STRAP: variants seen among roughly 807,000 people sequenced by gnomAD.
The protein encoded by STRAP is serine-threonine kinase receptor-associated protein.
A neutral mutation model predicts 47.0 loss-of-function variants in STRAP; 16 were observed. That is an observed-to-expected ratio of 0.34 (90% confidence interval 0.23 to 0.52). The LOEUF (loss-of-function observed/expected upper bound fraction) is 0.52. Among genes scored for constraint, STRAP ranks in the 20% least tolerant of loss-of-function variants. The pLI, the probability that STRAP is intolerant of heterozygous loss-of-function variation, is 0.96. For synonymous variants in STRAP, 130 were observed against 142.7 expected, an observed-to-expected ratio of 0.91 and a Z score of 0.63; for missense variants, 293 against 420.0, an observed-to-expected ratio of 0.70 and a Z score of 2.64.
At chr12:15,891,308 G>A (rs1240890230) in intron 4 of STRAP, among the ~76,000 whole-genome samples, 2 of 152,172 alleles carry the variant, frequency 1.3e-5, no homozygotes, top group African/African-American at 4.8e-5. Context: ...AGAAGTTGGT[G>A]ATGGTGAGAA....
At chr12:15,898,672 T>A (rs1293672691) in intron 7 of STRAP, among the ~76,000 whole-genome samples, 1 of 152,204 alleles carries the variant, frequency 6.6e-6, no homozygotes, top group East Asian at 1.9e-4. Flanking sequence ...ACCAGGTATT[T>A]CACATAGTTA....
At chr12:15,892,074 T>C in intron 4 of STRAP, among the ~76,000 whole-genome samples, 1 of 152,168 alleles carries the variant, frequency 6.6e-6, no homozygotes, top group East Asian at 1.9e-4. Flanking sequence ...AACTTTCTCT[T>C]TGTCAATTTA....
intron 4 of STRAP, among the ~76,000 whole-genome samples, chr12:15,892,687 G>A (rs1948026736): frequency 6.6e-6 from 1 of 152,148 alleles, no homozygotes; most frequent in African/African-American, 2.4e-5. Flanking sequence ...AGGAAACAAA[G>A]CGCATTTGCA....
intron 2 of STRAP, among the ~76,000 whole-genome samples, chr12:15,884,659 C>T (rs966168834): frequency 3.3e-5 from 5 of 152,178 alleles, no homozygotes; most frequent in East Asian, 3.8e-4. Context: ...CTCAGCCTCT[C>T]AAAGAGCTGG....
intron 7 of STRAP, chr12:15,898,222 G>GTT: frequency 3.3e-6 from 1 of 305,582 alleles, no homozygotes; most frequent in South Asian, 6.1e-5. Flanking sequence ...TGTAAACAAA[G>GTT]TATGCAGAAA....
At chr12:15,883,489 ACTT>A in intron 1 of STRAP, 49 bp from the exon 2 acceptor site, 1 of 1,553,934 alleles carries the variant, frequency 6.4e-7, no homozygotes, top group Non-Finnish European at 8.7e-7. Flanking sequence ...TGAATCTTAG[ACTT>A]TAAGTAATCT....
In STRAP at chr12:15,882,954, A is replaced by G. The variant is rs530763028; in HGVS notation, c.112+135A>G. 6 of 1,349,130 alleles carry G rather than the reference A, an allele frequency of 4.4e-6. No individual in the cohort carries two copies. The African/African-American group carries it at 8.7e-5, about 19-fold the overall frequency. 83.6% of individuals were successfully genotyped at this position (1,349,130 alleles called of 1,614,324 possible). ...ATATTAACATCTGAGATGAGAGCCAACACTGGTCCGGTGGAGAAAGGAGTG... is the reference window on the plus strand; with the variant it reads ...ATATTAACATCTGAGATGAGAGCCAGCACTGGTCCGGTGGAGAAAGGAGTG... On this transcript the variant is annotated intron_variant, in intron 1 of 9. Coordinates refer to ENST00000419869, the MANE Select transcript of STRAP (RefSeq NM_007178.4).
At chr12:15,889,827 A>G (rs1002927245) in intron 2 of STRAP, 101 bp from the exon 3 acceptor site, 46 of 827,370 alleles carry the variant, frequency 5.6e-5, no homozygotes, top group Admixed American at 1.6e-4. Flanking sequence ...AACATTTCAC[A>G]TATCTAACTT....
At chr12:15,883,389 C>T (rs1470197152) in intron 1 of STRAP, 152 bp from the exon 2 acceptor site, 17 of 873,126 alleles carry the variant, frequency 1.9e-5, no homozygotes, top group Non-Finnish European at 2.6e-5. Flanking sequence ...TATTACTGCA[C>T]ATTCCTTAGT....
intron 7 of STRAP, among the ~76,000 whole-genome samples, chr12:15,898,468 G>A (rs1259608924): frequency 6.6e-6 from 1 of 152,116 alleles, no homozygotes; most frequent in Non-Finnish European, 1.5e-5. Flanking sequence ...AGAACAGTGT[G>A]TGGGGGAAAA....
At chr12:15,891,680 C>T (rs534697847) in intron 4 of STRAP, among the ~76,000 whole-genome samples, 3 of 152,284 alleles carry the variant, frequency 2.0e-5, no homozygotes, top group East Asian at 1.9e-4. Flanking sequence ...CAGTGGCTCA[C>T]GCCTGTAATC....
rs368533214 is a variant in STRAP, at chr12:15,884,304, T to C, written c.248+628T>C. Among the ~76,000 whole-genome samples the C allele has an allele frequency of 2.3e-4, 35 of 152,232 alleles. 1 individual carries two copies. Among genetic ancestry groups the C allele is most frequent in the African/African-American group, 8.2e-4 (34 of 41,544 alleles). On this transcript the variant is annotated intron_variant, in intron 2 of 9. Transcript: ENST00000419869. Reference sequence around the variant, plus strand: ...CAGGATCATTTTTAACTTTCAGTAGTTTCTTTTCCTCCTATTCATTTTCCA... The same window carrying C: ...CAGGATCATTTTTAACTTTCAGTAGCTTCTTTTCCTCCTATTCATTTTCCA...
chr12:15,891,749 C>A (rs571132463), intron 4 of STRAP, among the ~76,000 whole-genome samples: 4 of 152,216 alleles, frequency 2.6e-5, no homozygotes, highest in African/African-American at 9.6e-5. Flanking sequence ...TCAATACCAG[C>A]CTGGCCAACA....
Position 15,883,654 on chromosome 12 carries a change from A to T in STRAP, c.226A>T (p.Thr76Ser). ...TLNKDATKAA[T>S]AAADFTAKVW... ...GAATAAGGATGCCACCAAAGCAGCT[A>T]CAGCAGCTGCAGATTTCACAGCGTA... Residue 76 changes from threonine to serine, a missense_variant, in exon 2 of 10, where the codon ACA becomes TCA. Physicochemically the swap from Thr to Ser is moderately conservative, Grantham distance 58. Coordinates refer to ENST00000419869, the MANE Select transcript of STRAP (RefSeq NM_007178.4). 6.2e-7 allele frequency: 1 copy of T among 1,614,230 alleles called. No homozygotes were observed. Among genetic ancestry groups the T allele is most frequent in the South Asian group, 1.1e-5 (1 of 91,086 alleles).
At chr12:15,892,307 A>G (rs1488146879) in intron 4 of STRAP, among the ~76,000 whole-genome samples, 2 of 152,104 alleles carry the variant, frequency 1.3e-5, no homozygotes, top group East Asian at 3.8e-4. Context: ...TATGGTATAT[A>G]TGTTTTTAAC....
intron 6 of STRAP, 94 bp from the exon 7 acceptor site, chr12:15,897,788 T>A: frequency 1.2e-6 from 1 of 867,758 alleles, no homozygotes; most frequent in East Asian, 3.0e-5. Flanking sequence ...TATTTAATTG[T>A]TCCTTGGGTT....
chr12:15,884,163 T>C (rs556975924), intron 2 of STRAP, among the ~76,000 whole-genome samples: 2 of 152,370 alleles, frequency 1.3e-5, no homozygotes, highest in Admixed American at 1.3e-4. Flanking sequence ...GGTTGAAATC[T>C]AAAGCATTCT....
chr12:15,894,357 G>A lies in STRAP; in HGVS notation c.500+214G>A, dbSNP rs1948042912. Among the ~76,000 whole-genome samples, 3 of 152,238 alleles carry A rather than the reference G, an allele frequency of 2.0e-5. No homozygotes were observed. The South Asian group carries it at 6.2e-4, about 31-fold the overall frequency. ...ACCTATAATCCCAGCTACTCGGGAG[G>A]CCGAGGCAGGAGAATCACTTGAACC... is the stretch of plus-strand genomic sequence containing the variant. On this transcript the variant is annotated intron_variant, in intron 5 of 9. Transcript: ENST00000419869. This position sits in a 1 kb window ranked among gnomAD's most constrained non-coding sequence, Gnocchi z 4.9.
rs1468780141 is a variant in STRAP at position 15,885,282 on chromosome 12, G to A, written c.248+1606G>A. Among the ~76,000 whole-genome samples the A allele has an allele frequency of 4.1e-5, 6 of 147,020 alleles. No individual in the cohort carries two copies. In the East Asian group the frequency reaches 6.3e-4, roughly 15 times the overall value. The stretch of plus-strand genomic sequence containing the variant: ...CGGCTCACTGCAACCTCCACCTCCC[G>A]GGTTCAAGTGATTCTCCCACCTCAG... On this transcript the variant is annotated intron_variant, in intron 2 of 9. Transcript: ENST00000419869.
Sources: gnomAD v4.1 joint callset for allele counts (sites outside exome capture counted in the v4.1 genomes callset) on GRCh38, gnomAD v4.1.1 for gene constraint, Gnocchi (gnomAD v3.1) non-coding constraint, MANE v1.5 for transcripts, NCBI Gene and HGNC (gene_info 2026-07-23, HGNC 2026-07-21) for gene names.